Variants in RASSF8 observed in about 807,000 individuals in gnomAD.
The protein encoded by RASSF8 is ras association domain-containing protein 8.
A neutral mutation model predicts 48.5 loss-of-function variants in RASSF8; 22 were observed. That is an observed-to-expected ratio of 0.45 (90% CI 0.32 to 0.65). RASSF8 has a LOEUF of 0.65. Ranked by LOEUF, RASSF8 falls within the 30% of genes least tolerant of loss-of-function variation. The probability of loss-of-function intolerance (pLI) is 0.03; values close to 1 mark genes in which losing one functional copy is unlikely to be tolerated. For synonymous variants in RASSF8, 127 were observed against 171.5 expected, an observed-to-expected ratio of 0.74 and a Z score of 2.03; for missense variants, 418 against 489.2, an observed-to-expected ratio of 0.85 and a Z score of 1.37.
At chr12:25,971,667 CTT>C (rs903139728) in intron 1 of RASSF8, among the ~76,000 whole-genome samples, 3 of 152,196 alleles carry the variant, frequency 2.0e-5, no homozygotes, top group African/African-American at 4.8e-5. Context: ...ATGTGTGTCT[CTT>C]TTTATTAGCG....
In RASSF8 at chr12:26,059,672, A is replaced by ATT. The variant is rs1943697069; in HGVS notation, c.103+4226_103+4227insTT. Among the ~76,000 whole-genome samples the ATT allele has an allele frequency of 4.6e-5, 7 of 152,314 alleles. No homozygotes were observed. The South Asian group carries it at 1.5e-3, about 32-fold the overall frequency. On this transcript the variant is annotated intron_variant, in intron 3 of 5. Transcript: ENST00000689635. ...TTGCAATTTTAATATTTATAACAAT[A>ATT]GTCTAATTTTTTATTTTAATTAGCT...
chr12:26,017,097 C>G (rs867582091), intron 2 of RASSF8, among the ~76,000 whole-genome samples: 1 of 151,876 alleles, frequency 6.6e-6, no homozygotes, highest in Non-Finnish European at 1.5e-5. Flanking sequence ...GAATAAAAAG[C>G]TATTTAGCCA....
intron 1 of RASSF8, among the ~76,000 whole-genome samples, chr12:25,985,800 G>A (rs1273086580): frequency 6.7e-6 from 1 of 149,916 alleles, no homozygotes; most frequent in Admixed American, 6.7e-5. Flanking sequence ...CTGGCTAAAG[G>A]CAGTGTGTGG....
intron 2 of RASSF8, among the ~76,000 whole-genome samples, chr12:26,050,690 TGTATGTTCAGACATATTTTATTTAG>T (rs1943472388): frequency 1.3e-5 from 2 of 152,228 alleles, no homozygotes; most frequent in African/African-American, 4.8e-5. Context: ...AAAATTAATG[TGTATGTTCAGACATATTTTATTTAG>T]GATTCTGTAG....
Position 25,958,776 on chromosome 12 carries a change from C to T in RASSF8, c.-575C>T, listed in dbSNP as rs1483395231. Reference sequence around the variant, plus strand: ...GTCCGGCGCCCCGCGCCGCGCCCCGCTCAGCGTCTGCCGCCCAGCTCCTCG... The same window carrying T: ...GTCCGGCGCCCCGCGCCGCGCCCCGTTCAGCGTCTGCCGCCCAGCTCCTCG... On this transcript the variant is annotated 5_prime_UTR_variant, in exon 1 of 6. Coordinates refer to ENST00000689635, the MANE Select transcript of RASSF8 (RefSeq NM_001394098.1). Among the ~76,000 whole-genome samples the T allele has an allele frequency of 6.8e-6, 1 of 147,064 alleles. No homozygotes were observed. Among genetic ancestry groups the T allele is most frequent in the African/African-American group, 2.4e-5 (1 of 40,962 alleles).
chr12:25,968,585 C>T (rs572145521), intron 1 of RASSF8, among the ~76,000 whole-genome samples: 19 of 152,218 alleles, frequency 1.2e-4, no homozygotes, highest in African/African-American at 4.1e-4. Context: ...CTCAGGTAAT[C>T]CACCCGCCTC....
chr12:25,977,250 C>T (rs1941627998), intron 1 of RASSF8, among the ~76,000 whole-genome samples: 1 of 152,162 alleles, frequency 6.6e-6, no homozygotes, highest in African/African-American at 2.4e-5. Context: ...GAATGCACGC[C>T]AGCCACGTCG....
chr12:26,058,591 T>G (rs1943669139), intron 3 of RASSF8, among the ~76,000 whole-genome samples: 1 of 152,160 alleles, frequency 6.6e-6, no homozygotes, highest in Non-Finnish European at 1.5e-5. Flanking sequence ...GAGTTACAGG[T>G]TTTTTTCTGG....
chr12:25,978,224 G>A (rs757993066), intron 1 of RASSF8, among the ~76,000 whole-genome samples: 3 of 152,226 alleles, frequency 2.0e-5, no homozygotes, highest in South Asian at 2.1e-4. Context: ...GCAGAAAGCC[G>A]ATCTGGAACA....
rs1207130750 is a variant in RASSF8, at chr12:25,958,764, C to T, written c.-587C>T. Among the ~76,000 whole-genome samples, 1 of 146,866 alleles carries T rather than the reference C, an allele frequency of 6.8e-6. No individual in the cohort carries two copies. The highest frequency in any genetic ancestry group is 2.4e-5 in the African/African-American group (1 of 40,910). ...ACGCCCGCGCTCGTCCGGCGCCCCG[C>T]GCCGCGCCCCGCTCAGCGTCTGCCG... On this transcript the variant is annotated 5_prime_UTR_variant, in exon 1 of 6. Transcript: ENST00000689635.
chr12:25,969,895 G>A (rs955650118), intron 1 of RASSF8, among the ~76,000 whole-genome samples: 2 of 152,096 alleles, frequency 1.3e-5, no homozygotes, highest in African/African-American at 4.8e-5. Flanking sequence ...TGTGCCAGTG[G>A]CATCCTGGAT....
chr12:26,027,681 T>G (rs1034588171), intron 2 of RASSF8, among the ~76,000 whole-genome samples: 1 of 152,242 alleles, frequency 6.6e-6, no homozygotes, highest in African/African-American at 2.4e-5. Context: ...AAGTTACTAA[T>G]CATTAAGCCA....
chr12:26,015,985 A>G (rs927421000), intron 2 of RASSF8, among the ~76,000 whole-genome samples: 2 of 152,158 alleles, frequency 1.3e-5, no homozygotes, highest in African/African-American at 2.4e-5. Flanking sequence ...TGGAGTTTAT[A>G]ATTTGTTACC....
At chr12:26,028,740 T>C (rs184489558) in intron 2 of RASSF8, among the ~76,000 whole-genome samples, 2 of 152,272 alleles carry the variant, frequency 1.3e-5, no homozygotes, top group Admixed American at 1.3e-4. Context: ...ATATTTTGTA[T>C]AAGGTGCTAT....
At chr12:26,014,432 T>C (rs1235317363) in intron 2 of RASSF8, among the ~76,000 whole-genome samples, 2 of 152,218 alleles carry the variant, frequency 1.3e-5, no homozygotes, top group African/African-American at 4.8e-5. Flanking sequence ...TGGGAAATAA[T>C]AAATACGATA....
At chr12:25,996,675 G>A in intron 2 of RASSF8, among the ~76,000 whole-genome samples, 1 of 152,264 alleles carries the variant, frequency 6.6e-6, no homozygotes, top group Middle Eastern at 3.4e-3. Flanking sequence ...TTGACTTACA[G>A]TACAAAGAGA....
At chr12:26,051,519 CATTTAT>C (rs1042515542) in intron 2 of RASSF8, among the ~76,000 whole-genome samples, 1 of 152,048 alleles carries the variant, frequency 6.6e-6, no homozygotes, top group South Asian at 2.1e-4. Flanking sequence ...TAAATATAAA[CATTTAT>C]ATTTAATATG....
chr12:26,071,718 A>G lies in RASSF8; in HGVS notation c.*2900A>G, dbSNP rs1944004274. 1 of 983,466 alleles carries G rather than the reference A, an allele frequency of 1.0e-6. No homozygotes were observed. The highest frequency in any genetic ancestry group is 6.2e-5 in the Admixed American group (1 of 16,260). The allele number at this position is 983,466 out of a possible 1,614,324, so 60.9% of individuals were successfully genotyped here. On this transcript the variant is annotated 3_prime_UTR_variant, in exon 6 of 6. Coordinates refer to ENST00000689635, the MANE Select transcript of RASSF8 (RefSeq NM_001394098.1). ...TAGGAGTTACCTATTTAATTCTCCC[A>G]GTCATCAATGAGGTAATCATCAATT...
intron 2 of RASSF8, among the ~76,000 whole-genome samples, chr12:26,017,760 A>G (rs1449365417): frequency 1.3e-5 from 2 of 152,258 alleles, no homozygotes; most frequent in Admixed American, 6.5e-5. Flanking sequence ...GGACCCCAGA[A>G]AGCAAAAGCC....
Sources: allele counts gnomAD v4.1 joint callset (sites outside exome capture counted in the v4.1 genomes callset), GRCh38; gene constraint gnomAD v4.1.1; transcripts MANE v1.5; gene names NCBI Gene and HGNC (gene_info 2026-07-23, HGNC 2026-07-21).